CREB5: variants seen among roughly 807,000 people sequenced by gnomAD.
CREB5 encodes cyclic AMP-responsive element-binding protein 5.
CREB5 carries 19 observed loss-of-function variants against 57.1 expected under a neutral mutation model. That is an observed-to-expected ratio of 0.33 (90% CI 0.23 to 0.49). The LOEUF (loss-of-function observed/expected upper bound fraction) is 0.49, where lower values mean the gene tolerates loss of function less well. Among genes scored for constraint, CREB5 ranks in the 20% least tolerant of loss-of-function variants. The pLI, the probability that CREB5 is intolerant of heterozygous loss-of-function variation, is 0.99. For missense variants in CREB5, 579 were observed against 671.6 expected, an observed-to-expected ratio of 0.86 and a Z score of 1.52; for synonymous variants, 238 against 238.3, an observed-to-expected ratio of 1.00 and a Z score of 0.01.
At chr7:28,743,076 G>A (rs571911436) in intron 7 of CREB5, among the ~76,000 whole-genome samples, 5 of 152,322 alleles carry the variant, frequency 3.3e-5, no homozygotes, top group East Asian at 1.9e-4. Context: ...GAGCCACCGT[G>A]CCCAGCTTAT....
At chr7:28,311,031 C>T (rs1051958782) in intron 1 of CREB5, among the ~76,000 whole-genome samples, 5 of 150,188 alleles carry the variant, frequency 3.3e-5, no homozygotes, top group East Asian at 2.0e-4. Flanking sequence ...CCGTGGCTCA[C>T]GCCTGTAATC....
chr7:28,374,145 A>G (rs986323113), intron 1 of CREB5, among the ~76,000 whole-genome samples: 4 of 152,170 alleles, frequency 2.6e-5, no homozygotes, highest in African/African-American at 9.7e-5. Flanking sequence ...CATCCAGAAA[A>G]TGCAAATTAA....
chr7:28,710,820 T>C (rs1326362383), intron 5 of CREB5, among the ~76,000 whole-genome samples: 1 of 152,168 alleles, frequency 6.6e-6, no homozygotes, highest in Non-Finnish European at 1.5e-5. Flanking sequence ...CTGACACATA[T>C]TTGTTGTTTA....
At chr7:28,665,868 G>T (rs1024161815) in intron 5 of CREB5, among the ~76,000 whole-genome samples, 1 of 152,000 alleles carries the variant, frequency 6.6e-6, no homozygotes, top group African/African-American at 2.4e-5. Flanking sequence ...GTTAACTTAC[G>T]CAAGTAGAAT....
intron 4 of CREB5, 134 bp from the exon 5 acceptor site, chr7:28,570,231 C>G: frequency 1.2e-6 from 1 of 854,570 alleles, no homozygotes; most frequent in African/African-American, 1.7e-5. Flanking sequence ...ATGAATGGGC[C>G]TATGGCTTGC....
At chr7:28,486,670 T>A (rs993939058) in intron 1 of CREB5, among the ~76,000 whole-genome samples, 4 of 89,146 alleles carry the variant, frequency 4.5e-5, no homozygotes, top group East Asian at 3.0e-4. Flanking sequence ...TCCTATGATT[T>A]TATATATATA....
chr7:28,353,239 C>T (rs917637115), intron 1 of CREB5, among the ~76,000 whole-genome samples: 13 of 152,064 alleles, frequency 8.5e-5, no homozygotes, highest in African/African-American at 7.2e-5. Flanking sequence ...CCAGCCACCA[C>T]GCCCAGCTAA....
At chr7:28,405,683 C>T (rs192525230) in intron 1 of CREB5, among the ~76,000 whole-genome samples, 1 of 152,342 alleles carries the variant, frequency 6.6e-6, no homozygotes, top group African/African-American at 2.4e-5. Context: ...TCCCAAAGAG[C>T]TGTGGTTACA....
chr7:28,660,381 G>GTTT (rs10696255), intron 5 of CREB5, among the ~76,000 whole-genome samples: 3,431 of 119,186 alleles, frequency 0.029, 116 homozygotes, highest in Middle Eastern at 0.054. Context: ...GCATTCAACA[G>GTTT]TTTTTTTTTT....
chr7:28,606,046 T>A (rs1797120310), intron 5 of CREB5, among the ~76,000 whole-genome samples: 1 of 152,210 alleles, frequency 6.6e-6, no homozygotes, highest in Non-Finnish European at 1.5e-5. Context: ...GTTGATTTTT[T>A]AAAAATTGCA....
intron 4 of CREB5, among the ~76,000 whole-genome samples, chr7:28,564,505 T>A (rs1795406176): frequency 6.6e-6 from 1 of 152,202 alleles, no homozygotes; most frequent in Non-Finnish European, 1.5e-5. Flanking sequence ...GAAAGACAAT[T>A]ACCACTCTAC....
intron 4 of CREB5, among the ~76,000 whole-genome samples, chr7:28,515,274 C>T (rs1159872662): frequency 6.6e-6 from 1 of 152,140 alleles, no homozygotes; most frequent in African/African-American, 2.4e-5. Context: ...TTATGTGGAC[C>T]GTCTTGGCCT....
intron 5 of CREB5, among the ~76,000 whole-genome samples, chr7:28,686,697 G>A (rs1800946079): frequency 6.6e-6 from 1 of 152,116 alleles, no homozygotes. Context: ...GAGAGCGAGG[G>A]GGTCAGGGTT....
At chr7:28,446,563 T>C (rs1048535217) in intron 1 of CREB5, among the ~76,000 whole-genome samples, 1 of 152,044 alleles carries the variant, frequency 6.6e-6, no homozygotes, top group Non-Finnish European at 1.5e-5. Flanking sequence ...GAGGCTGAGG[T>C]GGGCAGATCA....
intron 8 of CREB5, among the ~76,000 whole-genome samples, chr7:28,804,951 G>T (rs751415355): frequency 9.9e-5 from 15 of 152,176 alleles, no homozygotes; most frequent in Non-Finnish European, 1.8e-4. Flanking sequence ...ACTCAATTTT[G>T]TCACCTGTAA....
chr7:28,611,414 G>A (rs1003139412), intron 5 of CREB5, among the ~76,000 whole-genome samples: 1 of 147,318 alleles, frequency 6.8e-6, no homozygotes, highest in African/African-American at 2.5e-5. Flanking sequence ...CACTTTGGGA[G>A]GCCAAGGCAG....
chr7:28,708,812 C>T (rs564031697), intron 5 of CREB5, among the ~76,000 whole-genome samples: 115 of 152,202 alleles, frequency 7.6e-4, no homozygotes, highest in Non-Finnish European at 1.4e-3. Flanking sequence ...TGGGGCTCTC[C>T]GTGTGACTGT....
chr7:28,734,111 T>C (rs1353837756), intron 7 of CREB5, among the ~76,000 whole-genome samples: 1 of 150,268 alleles, frequency 6.7e-6, no homozygotes, highest in African/African-American at 2.5e-5. Flanking sequence ...TGACCCCTGG[T>C]GTGGCACCAT....
chr7:28,560,905 C>CGTGTGTGTGT (rs1213126401), intron 4 of CREB5, among the ~76,000 whole-genome samples: 4 of 13,480 alleles, frequency 3.0e-4, no homozygotes, highest in East Asian at 4.5e-3. Flanking sequence ...TGCGTGCGCG[C>CGTGTGTGTGT]GTGCGTGTGC....
Sources: allele counts gnomAD v4.1 joint callset (sites outside exome capture counted in the v4.1 genomes callset), GRCh38; gene constraint gnomAD v4.1.1; transcripts MANE v1.5; gene names NCBI Gene and HGNC (gene_info 2026-07-23, HGNC 2026-07-21).